The following YLPM1 variants were observed in gnomAD, a reference collection of about 807,000 sequenced individuals.
YLPM1 encodes the protein YLP motif-containing protein 1.
Under a neutral mutation model 230.0 loss-of-function variants are expected in YLPM1, and 99 were observed. The ratio of observed to expected loss-of-function variants is 0.43; its 90% CI spans 0.37 to 0.51. The LOEUF is 0.51. YLPM1 is among the 20% of genes least tolerant of loss of function. The pLI is 0.00. For synonymous variants in YLPM1, 984 were observed against 942.5 expected, an observed-to-expected ratio of 1.04 and a Z score of -0.81; for missense variants, 2,592 against 2,707.7, an observed-to-expected ratio of 0.96 and a Z score of 0.95.
At chr14:74,786,613 G>A (rs1594817831) in intron 4 of YLPM1, among the ~76,000 whole-genome samples, 1 of 152,170 alleles carries the variant, frequency 6.6e-6, no homozygotes, top group African/African-American at 2.4e-5. Context: ...TCCATGTTGT[G>A]TGTAGTAGTA....
intron 11 of YLPM1, among the ~76,000 whole-genome samples, chr14:74,814,355 C>T (rs959335184): frequency 1.2e-4 from 18 of 151,926 alleles, no homozygotes; most frequent in African/African-American, 3.6e-4. Context: ...AGCGAGACTC[C>T]GTCTTTAAAA....
chr14:74,787,455 C>T lies in YLPM1; in HGVS notation c.2282+5130C>T, dbSNP rs371937626. ...GTGCACGCTTGTAATTCCAGCTACT[C>T]GGGAGGCCGAGGCACAAGAATCACT... On this transcript the variant is annotated intron_variant, in intron 4 of 20. Transcript: ENST00000325680. 1.1e-4 allele frequency among the ~76,000 whole-genome samples: 17 copies of T among 151,882 alleles called. No homozygotes were observed. In the East Asian group the frequency reaches 1.6e-3, roughly 14 times the overall value.
At chr14:74,823,332 A>G (rs960530995) in intron 17 of YLPM1, among the ~76,000 whole-genome samples, 28 of 152,130 alleles carry the variant, frequency 1.8e-4, no homozygotes, top group African/African-American at 6.0e-4. Context: ...CTAGGTTCCA[A>G]TATTAACATT....
At chr14:74,819,433 C>G (rs2091503956) in intron 16 of YLPM1, among the ~76,000 whole-genome samples, 1 of 151,950 alleles carries the variant, frequency 6.6e-6, no homozygotes, top group Admixed American at 6.6e-5. Flanking sequence ...CGCCACCATG[C>G]CTGGCTAATT....
intron 2 of YLPM1, 151 bp from the exon 3 acceptor site, chr14:74,780,254 C>A: frequency 1.1e-6 from 1 of 878,940 alleles, no homozygotes; most frequent in Non-Finnish European, 1.7e-6. Flanking sequence ...GATAGAATAG[C>A]TGTTCTCAAT....
At chr14:74,767,987 G>C (rs972322704) in intron 1 of YLPM1, among the ~76,000 whole-genome samples, 8 of 151,936 alleles carry the variant, frequency 5.3e-5, no homozygotes, top group African/African-American at 1.9e-4. Context: ...TGCATCTAAT[G>C]TTTCAGTCTA....
intron 4 of YLPM1, among the ~76,000 whole-genome samples, chr14:74,794,245 C>A (rs2091236296): frequency 6.6e-6 from 1 of 152,060 alleles, no homozygotes. Context: ...TGCAGTGGCA[C>A]CACCTCAGGC....
At chr14:74,826,748 C>T (rs913380781) in intron 18 of YLPM1, among the ~76,000 whole-genome samples, 2 of 152,214 alleles carry the variant, frequency 1.3e-5, no homozygotes, top group Non-Finnish European at 2.9e-5. Context: ...TGTGGCCCAC[C>T]TTCAGTCCCA....
chr14:74,778,374 G>A, intron 1 of YLPM1, 73 bp from the exon 2 acceptor site: 1 of 1,310,906 alleles, frequency 7.6e-7, no homozygotes, highest in South Asian at 1.4e-5. Context: ...CATAAAGATA[G>A]GTCCTTGTCA....
intron 3 of YLPM1, among the ~76,000 whole-genome samples, chr14:74,781,080 A>G (rs2091087390): frequency 6.6e-6 from 1 of 152,212 alleles, no homozygotes; most frequent in Non-Finnish European, 1.5e-5. Context: ...CTTGAAAAAT[A>G]CTTATTGCTA....
At chr14:74,820,664 A>G (rs2091514144) in intron 16 of YLPM1, among the ~76,000 whole-genome samples, 1 of 152,244 alleles carries the variant, frequency 6.6e-6, no homozygotes, top group East Asian at 1.9e-4. Context: ...ACTCTGGGCC[A>G]AGCCAATATC....
Position 74,764,171 on chromosome 14 carries a change from T to C in YLPM1, c.682T>C (p.Ser228Pro). The C allele has an allele frequency of 6.2e-7, 1 of 1,612,944 alleles. No homozygotes were observed. The highest frequency in any genetic ancestry group is 1.1e-5 in the South Asian group (1 of 91,026). Residue 228 changes from serine to proline, a missense_variant, in exon 1 of 21, where the codon TCT becomes CCT. Ser to Pro is a moderately conservative substitution (Grantham distance 74). This residue lies in a region of YLPM1 where 1,862 missense variants were observed against 1,819.8 expected (regional missense o/e 1.02). Coordinates refer to ENST00000325680, the MANE Select transcript of YLPM1 (RefSeq NM_019589.3). ...CCATTCCCAGTCCTACTTGCCCTCT[T>C]CTCAGGCATCTCCTTCCCGCCCCTC... ...LSHSQSYLPS[S>P]QASPSRPSQG...
In YLPM1 at chr14:74,799,565, C is replaced by T. The variant is rs1387997223; in HGVS notation, c.4268C>T (p.Ser1423Leu). Residue 1423 changes from serine (S) to leucine (L), a missense_variant, in exon 5 of 21, where the codon TCA becomes TTA. Physicochemically the swap from Ser to Leu is moderately radical, Grantham distance 145. Around this residue, in one of 4 missense-constraint regions of YLPM1, gnomAD observed 1,862 missense variants for 1,819.8 expected, o/e 1.02. Coordinates refer to ENST00000325680, the MANE Select transcript of YLPM1 (RefSeq NM_019589.3). The stretch of plus-strand genomic sequence containing the variant: ...CCCATGGCGGAACATATGCCCTCCT[C>T]ACATCATTCCTCAGAAATGATGGGG... Reference protein sequence around the residue: ...HSPMAEHMPSSHHSSEMMGSD... With the variant: ...HSPMAEHMPSLHHSSEMMGSD... 1 of 1,613,978 alleles carries T rather than the reference C, an allele frequency of 6.2e-7. No homozygotes were observed. The highest frequency in any genetic ancestry group is 1.7e-5 in the Admixed American group (1 of 60,022).
rs1278520229 is a variant in YLPM1 at position 74,798,552 on chromosome 14, G to T, written c.3255G>T (p.Arg1085Ser). 3 of 1,613,822 alleles carry T rather than the reference G, an allele frequency of 1.9e-6. No homozygotes were observed. The highest frequency in any genetic ancestry group is 1.7e-6 in the Non-Finnish European group (2 of 1,179,888). Reference protein sequence around the residue: ...GEGSRDRGLVRPGSSREKVPG... With the variant: ...GEGSRDRGLVSPGSSREKVPG... Reference sequence around the variant, plus strand: ...GTAGCCGGGACAGAGGGTTGGTGAGGCCTGGAAGCAGTCGGGAGAAAGTGC... The same window carrying T: ...GTAGCCGGGACAGAGGGTTGGTGAGTCCTGGAAGCAGTCGGGAGAAAGTGC... The change falls in exon 5 of 21, where the codon AGG becomes AGT. Residue 1085 changes from arginine to serine, a missense_variant. By Grantham distance (110) the Arg-to-Ser change is moderately radical. Transcript: ENST00000325680.
Position 74,781,509 on chromosome 14 carries a change from T to A in YLPM1, c.1466T>A (p.Met489Lys). The A allele has an allele frequency of 6.2e-7, 1 of 1,613,938 alleles. No homozygotes were observed. ...CAGTGGAAAACATGGCAGGGACATA[T>A]GAAAGCCACTCAGAGCTATCTCCAG... ...EKQWKTWQGH[M>K]KATQSYLQEK... is the part of the protein sequence containing the mutation. The change falls in exon 4 of 21, where the codon ATG (methionine) becomes AAG (lysine). Residue 489 changes from methionine to lysine, a missense_variant. By Grantham distance (95) the Met-to-Lys change is moderately conservative (BLOSUM62 -1). Around this residue, in one of 4 missense-constraint regions of YLPM1, gnomAD observed 1,862 missense variants for 1,819.8 expected, o/e 1.02. Coordinates refer to ENST00000325680, the MANE Select transcript of YLPM1 (RefSeq NM_019589.3).
At chr14:74,812,581 A>G in intron 10 of YLPM1, 47 bp from the exon 11 acceptor site, 1 of 1,561,336 alleles carries the variant, frequency 6.4e-7, no homozygotes, top group Non-Finnish European at 8.7e-7. Context: ...GAATTTCAAA[A>G]TAATTACTCT....
At chr14:74,796,968 C>CTTTTTTTTT (rs3083626) in intron 4 of YLPM1, among the ~76,000 whole-genome samples, 3 of 88,952 alleles carry the variant, frequency 3.4e-5, no homozygotes, top group Non-Finnish European at 4.2e-5. Context: ...TTTATAATTG[C>CTTTTTTTTT]TTTTTTTTTT....
chr14:74,779,842 C>T lies in YLPM1; in HGVS notation c.1111-563C>T, dbSNP rs556043793. Among the ~76,000 whole-genome samples the T allele has an allele frequency of 2.1e-4, 30 of 143,660 alleles. No individual in the cohort carries two copies. The East Asian group carries it at 2.5e-3, about 12-fold the overall frequency. 94.2% of individuals were successfully genotyped at this position (143,660 alleles called of 152,430 possible). On this transcript the variant is annotated intron_variant, in intron 2 of 20. Coordinates refer to ENST00000325680, the MANE Select transcript of YLPM1 (RefSeq NM_019589.3). ...TTTTTGAGATGGAGTCTTGCTCTGT[C>T]GCCCAGGCTGGAGTGCAGTGACGCG...
At chr14:74,820,566 CT>C (rs1189468495) in intron 16 of YLPM1, among the ~76,000 whole-genome samples, 2 of 152,114 alleles carry the variant, frequency 1.3e-5, no homozygotes, top group Non-Finnish European at 2.9e-5. Flanking sequence ...TTACTCTGCC[CT>C]TGTGACCTGT....
Sources: gnomAD v4.1 joint callset for allele counts (sites outside exome capture counted in the v4.1 genomes callset) on GRCh38, gnomAD v4.1.1 for gene constraint, gnomAD v4.1.1 regional missense constraint, MANE v1.5 for transcripts, NCBI Gene and HGNC (gene_info 2026-07-23, HGNC 2026-07-21) for gene names.